ULK4: variants seen among roughly 807,000 people sequenced by gnomAD.
The protein encoded by ULK4 is unc-51 like kinase 4, also known as inactive serine/threonine-protein kinase ULK4.
Under a neutral mutation model 160.6 loss-of-function variants are expected in ULK4, and 133 were observed. That is an observed-to-expected ratio of 0.83 (90% confidence interval 0.72 to 0.96). The LOEUF (loss-of-function observed/expected upper bound fraction) is 0.96, where lower values mean the gene tolerates loss of function less well. Ranked by LOEUF, ULK4 falls within the 40% of genes least tolerant of loss-of-function variation. The pLI is 0.00. For synonymous variants in ULK4, 534 were observed against 539.8 expected (o/e 0.99, Z 0.15); for missense variants, 1,580 against 1,499.5 (o/e 1.05, Z -0.89).
At chr3:41,457,831 T>A (rs569655476) in intron 33 of ULK4, among the ~76,000 whole-genome samples, 2 of 152,164 alleles carry the variant, frequency 1.3e-5, no homozygotes, top group African/African-American at 4.8e-5. Context: ...CCTTTTGTCA[T>A]TGCTGTGTGT....
intron 35 of ULK4, among the ~76,000 whole-genome samples, chr3:41,287,030 G>A (rs1217113870): frequency 2.6e-5 from 4 of 152,156 alleles, no homozygotes; most frequent in East Asian, 1.9e-4. Flanking sequence ...ACCACCCACC[G>A]ATTTGACAGA....
intron 31 of ULK4, among the ~76,000 whole-genome samples, chr3:41,589,174 G>A (rs746044183): frequency 9.9e-5 from 15 of 151,858 alleles, no homozygotes; most frequent in Non-Finnish European, 2.1e-4. Flanking sequence ...AAAAAAATAA[G>A]TGAGGTGAAC....
intron 17 of ULK4, among the ~76,000 whole-genome samples, chr3:41,856,601 A>G (rs796877870): frequency 1.8e-4 from 15 of 85,498 alleles, no homozygotes; most frequent in Admixed American, 3.3e-4. Flanking sequence ...ATATATATAT[A>G]TGTGTATATA....
intron 25 of ULK4, among the ~76,000 whole-genome samples, 190 bp downstream of exon 25, chr3:41,715,047 G>C (rs755502798): frequency 1.6e-4 from 24 of 152,050 alleles, no homozygotes; most frequent in Non-Finnish European, 3.4e-4. Flanking sequence ...ACATTATCAG[G>C]AGAGAATGTG....
chr3:41,300,837 T>TATATATATATATA lies in ULK4; in HGVS notation c.3679-51264_3679-51263insTATATATATATAT, dbSNP rs1553640531. On this transcript the variant is annotated intron_variant, in intron 35 of 36. Transcript: ENST00000301831. ...GATTAAATTTTGATCATTTTACAGA[T>TATATATATATATA]TATATATATATATATATATATATAT... Among the ~76,000 whole-genome samples the TATATATATATATA allele has an allele frequency of 3.8e-4, 22 of 57,874 alleles. 2 individuals are homozygous for TATATATATATATA. The highest frequency in any genetic ancestry group is 5.7e-4 in the Non-Finnish European group (14 of 24,692). The allele number at this position is 57,874 out of a possible 152,430, so 38.0% of individuals were successfully genotyped here.
At chr3:41,632,841 C>A (rs1282124628) in intron 30 of ULK4, among the ~76,000 whole-genome samples, 1 of 151,946 alleles carries the variant, frequency 6.6e-6, no homozygotes, top group African/African-American at 2.4e-5. Flanking sequence ...AGTAGAGGGG[C>A]TGAGATATAA....
At chr3:41,813,229 G>T (rs1402732962) in intron 19 of ULK4, among the ~76,000 whole-genome samples, 4 of 152,098 alleles carry the variant, frequency 2.6e-5, no homozygotes, top group Admixed American at 2.6e-4. Context: ...GGGTTGATAG[G>T]TGTACCAAAC....
At chr3:41,901,262 C>T (rs1693419571) in intron 12 of ULK4, among the ~76,000 whole-genome samples, 1 of 148,356 alleles carries the variant, frequency 6.7e-6, no homozygotes, top group South Asian at 2.1e-4. Flanking sequence ...TCACTACAAG[C>T]TCTGCCTCCC....
At chr3:41,724,914 T>C (rs1175946291) in intron 22 of ULK4, among the ~76,000 whole-genome samples, 1 of 152,224 alleles carries the variant, frequency 6.6e-6, no homozygotes, top group Non-Finnish European at 1.5e-5. Flanking sequence ...ATAACCAGTT[T>C]TGTAAACTGT....
Position 41,556,487 on chromosome 3 carries a change from C to CTTTTTT in ULK4, c.3226+9532_3226+9537dup, listed in dbSNP as rs34888775. 3.8e-3 allele frequency among the ~76,000 whole-genome samples: 448 copies of CTTTTTT among 117,038 alleles called. 21 individuals carry two copies. The highest frequency in any genetic ancestry group is 0.014 in the African/African-American group (426 of 29,934). 76.8% of individuals were successfully genotyped at this position (117,038 alleles called of 152,430 possible). On this transcript the variant is annotated intron_variant, in intron 32 of 36. Coordinates refer to ENST00000301831, the MANE Select transcript of ULK4 (RefSeq NM_017886.4). ...GACTTCGCAAAGAAACTCTACCAAA[C>CTTTTTT]TTTTTTTTTTTTTTTTTTTTGACAG...
rs368031952 is a variant in ULK4 at position 41,705,270 on chromosome 3, G to A, written c.2670C>T (p.Asn890=). The A allele has an allele frequency of 4.9e-4, 797 of 1,613,096 alleles. 3 individuals are homozygous for A. Among genetic ancestry groups the A allele is most frequent in the Non-Finnish European group, 2.1e-4 (244 of 1,179,652 alleles). ...TCTACTCACCTATGGCTCCATCTAT[G>A]TTCGTTTCTCCTGAGTCTACAGATT... ...HIKSVDSGET[N]IDGAIGLTAS... is the part of the protein sequence containing the mutation. Residue 890 remains asparagine, a synonymous_variant, in exon 26 of 37, where the codon AAC becomes AAT. Coordinates refer to ENST00000301831, the MANE Select transcript of ULK4 (RefSeq NM_017886.4).
At chr3:41,445,981 A>G (rs1223324949) in intron 34 of ULK4, among the ~76,000 whole-genome samples, 5 of 152,138 alleles carry the variant, frequency 3.3e-5, no homozygotes, top group Non-Finnish European at 7.3e-5. Flanking sequence ...CTCATCTGAC[A>G]AAGGGCTAAT....
intron 12 of ULK4, among the ~76,000 whole-genome samples, chr3:41,905,677 T>G (rs1488762184): frequency 6.6e-6 from 1 of 152,150 alleles, no homozygotes; most frequent in Non-Finnish European, 1.5e-5. Context: ...TGAATAAATA[T>G]TTCTCCAAAG....
At chr3:41,837,426 TTC>T (rs1469168572) in intron 17 of ULK4, among the ~76,000 whole-genome samples, 2 of 152,214 alleles carry the variant, frequency 1.3e-5, no homozygotes, top group Admixed American at 6.5e-5. Context: ...TCAATTTACT[TTC>T]TGTCATTAGC....
At chr3:41,332,565 A>G (rs186383747) in intron 35 of ULK4, among the ~76,000 whole-genome samples, 3 of 152,334 alleles carry the variant, frequency 2.0e-5, no homozygotes, top group East Asian at 3.9e-4. Flanking sequence ...GTCACTTAAG[A>G]TCTTTTCTTT....
At chr3:41,734,294 T>A (rs9875083) in intron 22 of ULK4, among the ~76,000 whole-genome samples, 27,388 of 152,088 alleles carry the variant, frequency 0.18, 2,539 homozygotes, top group Middle Eastern at 0.32. Context: ...AAGTTTGGGT[T>A]TGAGTAACTG....
intron 34 of ULK4, among the ~76,000 whole-genome samples, chr3:41,422,274 T>C (rs2125837656): frequency 6.6e-6 from 1 of 152,274 alleles, no homozygotes; most frequent in East Asian, 1.9e-4. Context: ...TTAACAGTGT[T>C]TGCTTTGGTG....
intron 21 of ULK4, among the ~76,000 whole-genome samples, chr3:41,784,134 G>C (rs1030616206): frequency 6.6e-6 from 1 of 152,082 alleles, no homozygotes; most frequent in African/African-American, 2.4e-5. Flanking sequence ...TCTGCCAATA[G>C]TTCAAAAAGT....
intron 35 of ULK4, among the ~76,000 whole-genome samples, chr3:41,371,171 T>C (rs116122823): frequency 0.012 from 1,797 of 152,192 alleles, 28 homozygotes; most frequent in African/African-American, 0.041. Flanking sequence ...CAAACTCCCA[T>C]CTCCCTAGGA....
Sources: allele counts gnomAD v4.1 joint callset (sites outside exome capture counted in the v4.1 genomes callset), GRCh38; gene constraint gnomAD v4.1.1; transcripts MANE v1.5; gene names NCBI Gene and HGNC (gene_info 2026-07-23, HGNC 2026-07-21).